The following ECPAS variants were observed in gnomAD, a reference collection of about 807,000 sequenced individuals.
The protein encoded by ECPAS is proteasome adapter and scaffold protein ECM29.
Under a neutral mutation model 255.1 loss-of-function variants are expected in ECPAS, and 70 were observed. The ratio of observed to expected loss-of-function variants is 0.27; its 90% CI spans 0.23 to 0.33. The LOEUF (loss-of-function observed/expected upper bound fraction) is 0.33, where lower values mean the gene tolerates loss of function less well. ECPAS is among the 10% of genes least tolerant of loss of function. ECPAS has a pLI of 1.00. For missense variants in ECPAS, 1,817 were observed against 2,206.4 expected, an observed-to-expected ratio of 0.82 and a Z score of 3.54; for synonymous variants, 784 against 775.0, an observed-to-expected ratio of 1.01 and a Z score of -0.19.
chr9:111,388,986 A>G (rs570185126), intron 31 of ECPAS, among the ~76,000 whole-genome samples: 184 of 152,378 alleles, frequency 1.2e-3, no homozygotes, highest in African/African-American at 4.2e-3. Flanking sequence ...TGCAAGTGAC[A>G]TCTGGACCAA....
At chr9:111,472,327 G>T (rs984584333) in intron 2 of ECPAS, among the ~76,000 whole-genome samples, 1 of 151,928 alleles carries the variant, frequency 6.6e-6, no homozygotes, top group Non-Finnish European at 1.5e-5. Flanking sequence ...TTTTGTGATT[G>T]TGGCACACAA....
chr9:111,419,710 A>C (rs1316916242), intron 16 of ECPAS, among the ~76,000 whole-genome samples: 1 of 151,112 alleles, frequency 6.6e-6, no homozygotes, highest in African/African-American at 2.4e-5. Context: ...TTACACACGC[A>C]ATCATATAAT....
At chr9:111,484,078 A>C in intron 1 of ECPAS, 38 bp downstream of exon 1, 3 of 1,185,122 alleles carry the variant, frequency 2.5e-6, no homozygotes, top group Non-Finnish European at 3.1e-6. Flanking sequence ...CCGCGCGCGC[A>C]GGGCCAGTCC....
intron 2 of ECPAS, among the ~76,000 whole-genome samples, chr9:111,453,901 G>A (rs1325975171): frequency 6.6e-6 from 1 of 151,642 alleles, no homozygotes; most frequent in Non-Finnish European, 1.5e-5. Flanking sequence ...ACAACTAAAT[G>A]GTCCCTTGCA....
intron 3 of ECPAS, among the ~76,000 whole-genome samples, chr9:111,450,228 C>G (rs1301178386): frequency 1.3e-5 from 2 of 152,050 alleles, no homozygotes; most frequent in Non-Finnish European, 2.9e-5. Context: ...ATACAGAAAT[C>G]AACTCACGAA....
chr9:111,446,002 T>C (rs1192188736), intron 3 of ECPAS, among the ~76,000 whole-genome samples: 1 of 152,224 alleles, frequency 6.6e-6, no homozygotes, highest in Non-Finnish European at 1.5e-5. Flanking sequence ...GCAAAGGACA[T>C]GAACTCATCC....
chr9:111,427,529 C>T (rs1748961816), intron 10 of ECPAS, among the ~76,000 whole-genome samples: 1 of 152,110 alleles, frequency 6.6e-6, no homozygotes, highest in Admixed American at 6.5e-5. Flanking sequence ...ACTGGAAATG[C>T]TTAGGATCAG....
At chr9:111,442,450 G>C in intron 4 of ECPAS, 26 bp from the exon 5 acceptor site, 1 of 1,264,734 alleles carries the variant, frequency 7.9e-7, no homozygotes, top group Non-Finnish European at 1.1e-6. Flanking sequence ...AAAAGCAAGT[G>C]AGTGTGAAGG....
chr9:111,455,505 A>G (rs2098265768), intron 2 of ECPAS, among the ~76,000 whole-genome samples: 1 of 152,152 alleles, frequency 6.6e-6, no homozygotes. Context: ...GAAAGAAAGA[A>G]AGATGTGCTT....
At chr9:111,409,298 C>G (rs1465180011) in intron 23 of ECPAS, among the ~76,000 whole-genome samples, 1 of 152,142 alleles carries the variant, frequency 6.6e-6, no homozygotes, top group Non-Finnish European at 1.5e-5. Flanking sequence ...GTGGCTCAAG[C>G]CTGTAATCCC....
chr9:111,399,219 CT>C (rs1248292347), intron 24 of ECPAS, among the ~76,000 whole-genome samples: 2 of 152,112 alleles, frequency 1.3e-5, no homozygotes, highest in Non-Finnish European at 2.9e-5. Flanking sequence ...CCAACAGAAT[CT>C]CATCCCCTCC....
rs1337026238 is a variant in ECPAS, at chr9:111,418,012, A to G, written c.1560-6T>C. 10 of 1,578,214 alleles carry G rather than the reference A, an allele frequency of 6.3e-6. No individual in the cohort carries two copies. In the East Asian group the frequency reaches 2.0e-4, roughly 32 times the overall value. On this transcript the variant is annotated splice_region_variant and splice_polypyrimidine_tract_variant and intron_variant, in intron 16 of 49. Coordinates refer to ENST00000684092, the MANE Select transcript of ECPAS (RefSeq NM_001364929.1). ...CTCCATGAACTTCTTCACGTCTTTC[A>G]GAAAAAGACAAATAAGAATAAAAAA...
chr9:111,364,676 A>T (rs2098118115), intron 48 of ECPAS, among the ~76,000 whole-genome samples: 1 of 152,236 alleles, frequency 6.6e-6, no homozygotes, highest in African/African-American at 2.4e-5. Flanking sequence ...CCCACAGGCT[A>T]CTTATTAGAC....
At chr9:111,444,915 C>T (rs552148383) in intron 3 of ECPAS, among the ~76,000 whole-genome samples, 1 of 151,188 alleles carries the variant, frequency 6.6e-6, no homozygotes, top group East Asian at 1.9e-4. Flanking sequence ...AGGCTGGTCT[C>T]GAACTCCTGA....
In ECPAS at chr9:111,425,472, T is replaced by G; in HGVS notation, c.1161A>C (p.Pro387=). The G allele has an allele frequency of 6.2e-7, 1 of 1,600,082 alleles. No homozygotes were observed. Among genetic ancestry groups the G allele is most frequent in the East Asian group, 2.2e-5 (1 of 44,446 alleles). The stretch of plus-strand genomic sequence containing the variant: ...GGCCATTCAAAAGCATTGGACCTAA[T>G]GGCTTAATCTTGATTTCTGGACAGC... ...CITCPEIKIK[P]LGPMLLNGLT... The change falls in exon 12 of 50, where the codon CCA becomes CCC. Residue 387 remains proline (P), a synonymous_variant. Transcript: ENST00000684092.
At chr9:111,442,618 A>T (rs922315979) in intron 4 of ECPAS, among the ~76,000 whole-genome samples, 194 bp from the exon 5 acceptor site, 1 of 152,214 alleles carries the variant, frequency 6.6e-6, no homozygotes, top group African/African-American at 2.4e-5. Flanking sequence ...AACTTAATCA[A>T]AATGCTTGCT....
In ECPAS at chr9:111,404,781, G is replaced by A. The variant is rs1322908047; in HGVS notation, c.2652+3790C>T. Among the ~76,000 whole-genome samples, 4 of 79,432 alleles carry A rather than the reference G, an allele frequency of 5.0e-5. No individual in the cohort carries two copies. The East Asian group carries it at 1.4e-3, about 27-fold the overall frequency. The allele number at this position is 79,432 out of a possible 152,430, so 52.1% of individuals were successfully genotyped here. A position where few individuals can be genotyped will look rare whatever the true frequency, so the allele number is the denominator to read the frequency against. On this transcript the variant is annotated intron_variant, in intron 24 of 49. Coordinates refer to ENST00000684092, the MANE Select transcript of ECPAS (RefSeq NM_001364929.1). ...CAACGGCAAACAATCTGAAAAAGAAGTCAAGAAAGCAATCCTGCTTATAAT... is the reference window on the plus strand; with the variant it reads ...CAACGGCAAACAATCTGAAAAAGAAATCAAGAAAGCAATCCTGCTTATAAT...
intron 2 of ECPAS, among the ~76,000 whole-genome samples, chr9:111,465,404 G>C (rs2098278269): frequency 6.6e-6 from 1 of 151,978 alleles, no homozygotes; most frequent in Non-Finnish European, 1.5e-5. Context: ...GCCAGGCATG[G>C]TGGCGGGCGC....
At chr9:111,459,640 C>A (rs952257969) in intron 2 of ECPAS, among the ~76,000 whole-genome samples, 5 of 152,074 alleles carry the variant, frequency 3.3e-5, no homozygotes, top group African/African-American at 1.2e-4. Flanking sequence ...CTCAGAGACA[C>A]AAGAGCTCAT....
Sources: gnomAD v4.1 joint callset for allele counts (sites outside exome capture counted in the v4.1 genomes callset) on GRCh38, gnomAD v4.1.1 for gene constraint, MANE v1.5 for transcripts, NCBI Gene and HGNC (gene_info 2026-07-23, HGNC 2026-07-21) for gene names.